TTC17: variants seen among roughly 807,000 people sequenced by gnomAD.
TTC17 encodes tetratricopeptide repeat domain 17, also known as tetratricopeptide repeat protein 17.
In TTC17, 58 loss-of-function variants were observed where a neutral mutation model predicts 143.8. The ratio of observed to expected loss-of-function variants is 0.40; its 90% CI spans 0.33 to 0.50. TTC17 has a LOEUF of 0.50. Among genes scored for constraint, TTC17 ranks in the 20% least tolerant of loss-of-function variants. TTC17 has a pLI of 0.49. For synonymous variants in TTC17, 501 were observed against 497.8 expected, an observed-to-expected ratio of 1.01 and a Z score of -0.09; for missense variants, 1,273 against 1,392.5, an observed-to-expected ratio of 0.91 and a Z score of 1.37.
At chr11:43,420,043 T>C (rs1946865251) in intron 16 of TTC17, among the ~76,000 whole-genome samples, 1 of 152,260 alleles carries the variant, frequency 6.6e-6, no homozygotes, top group African/African-American at 2.4e-5. Context: ...TTAAAAGGGC[T>C]GTAGTTATTT....
At chr11:43,406,997 A>G in intron 13 of TTC17, 141 bp from the exon 14 acceptor site, 1 of 604,028 alleles carries the variant, frequency 1.7e-6, no homozygotes, top group Non-Finnish European at 2.9e-6. Flanking sequence ...GAATGAATTT[A>G]TGTCATATAT....
At chr11:43,367,877 T>C (rs970893764) in intron 1 of TTC17, among the ~76,000 whole-genome samples, 2 of 152,192 alleles carry the variant, frequency 1.3e-5, no homozygotes, top group Admixed American at 6.5e-5. Flanking sequence ...GAGCCTATGC[T>C]CAGTTCTCAC....
chr11:43,416,487 A>G (rs541446069), intron 16 of TTC17, among the ~76,000 whole-genome samples: 2 of 152,240 alleles, frequency 1.3e-5, no homozygotes, highest in African/African-American at 4.8e-5. Context: ...CATGTAACTC[A>G]TGTCAAAAGA....
chr11:43,360,916 G>A (rs1165797746), intron 1 of TTC17, among the ~76,000 whole-genome samples: 1 of 152,124 alleles, frequency 6.6e-6, no homozygotes, highest in East Asian at 1.9e-4. Flanking sequence ...GACTTTTTAA[G>A]TGATCCTTTT....
At chr11:43,448,171 A>C (rs769298565) in intron 19 of TTC17, 49 bp downstream of exon 19, 2 of 1,604,724 alleles carry the variant, frequency 1.2e-6, no homozygotes, top group Admixed American at 3.4e-5. Context: ...AGTCCCATTG[A>C]ACCCAGCTGA....
chr11:43,459,586 A>G (rs1590457787), intron 21 of TTC17, among the ~76,000 whole-genome samples: 1 of 152,216 alleles, frequency 6.6e-6, no homozygotes, highest in Non-Finnish European at 1.5e-5. Context: ...TTGAATGTCA[A>G]TCAGGGAATG....
chr11:43,413,242 GT>G (rs1001970467), intron 15 of TTC17, among the ~76,000 whole-genome samples: 1 of 152,112 alleles, frequency 6.6e-6, no homozygotes, highest in Admixed American at 6.6e-5. Flanking sequence ...AAACATTTTG[GT>G]TTTTCAGTAA....
At chr11:43,383,383 C>G (rs1202013000) in intron 2 of TTC17, among the ~76,000 whole-genome samples, 1 of 152,182 alleles carries the variant, frequency 6.6e-6, no homozygotes, top group Admixed American at 6.5e-5. Flanking sequence ...TGAAGTCTTG[C>G]TCTTGTCCCC....
At chr11:43,424,543 G>T (rs940570089) in intron 16 of TTC17, among the ~76,000 whole-genome samples, 4 of 152,154 alleles carry the variant, frequency 2.6e-5, no homozygotes, top group South Asian at 2.1e-4. Context: ...GCCGAGGCAG[G>T]CGGATCCCCT....
rs370281253 is a variant in TTC17 at position 43,430,289 on chromosome 11, G to A, written c.2252-13036G>A. On this transcript the variant is annotated intron_variant, in intron 16 of 23. Transcript: ENST00000039989. ...CAAAAATTACAAAAATTAGCCAGGT[G>A]TGGTGGCGTGCACCTGTAGTCCCAG... Among the ~76,000 whole-genome samples the A allele has an allele frequency of 2.0e-5, 3 of 152,246 alleles. No homozygotes were observed. In the South Asian group the frequency reaches 6.2e-4, roughly 32 times the overall value.
intron 1 of TTC17, among the ~76,000 whole-genome samples, chr11:43,366,036 A>G (rs994887377): frequency 6.7e-6 from 1 of 149,636 alleles, no homozygotes; most frequent in African/African-American, 2.5e-5. Flanking sequence ...GCTGTAGTGC[A>G]GTGGCGCAAT....
chr11:43,426,995 A>G (rs1947044340), intron 16 of TTC17, among the ~76,000 whole-genome samples: 1 of 152,204 alleles, frequency 6.6e-6, no homozygotes, highest in African/African-American at 2.4e-5. Context: ...TACTACCTAT[A>G]CCAGTGGTAA....
chr11:43,492,023 G>A lies in TTC17; in HGVS notation c.3154G>A (p.Val1052Met). Residue 1052 changes from valine (V) to methionine (M), a missense_variant, in exon 23 of 24, where the codon GTG becomes ATG. Coordinates refer to ENST00000039989, the MANE Select transcript of TTC17 (RefSeq NM_018259.6). ...LHYAPHQMKD[V>M]PLISLANILH... ...ACCATTCTCCTTCTTCTCCCAGGAT[G>A]TGCCCCTGATTAGCCTGGCCAACAT... 6.2e-7 allele frequency: 1 copy of A among 1,613,452 alleles called. No homozygotes were observed. The highest frequency in any genetic ancestry group is 1.1e-5 in the South Asian group (1 of 90,854).
chr11:43,378,518 A>T (rs1856844539), intron 1 of TTC17, among the ~76,000 whole-genome samples: 1 of 152,186 alleles, frequency 6.6e-6, no homozygotes, highest in African/African-American at 2.4e-5. Context: ...AAATGTTGTA[A>T]TGAGCATCCT....
intron 16 of TTC17, among the ~76,000 whole-genome samples, chr11:43,432,690 T>C (rs1469825187): frequency 1.3e-5 from 2 of 152,168 alleles, no homozygotes; most frequent in East Asian, 3.9e-4. Flanking sequence ...TATCTTTCCA[T>C]TTTTCCTTCT....
chr11:43,430,709 G>GCACGCACACA (rs1554994151), intron 16 of TTC17, among the ~76,000 whole-genome samples: 1 of 138,448 alleles, frequency 7.2e-6, no homozygotes, highest in Non-Finnish European at 1.5e-5. Context: ...CTACATACAC[G>GCACGCACACA]CACACACACA....
chr11:43,446,496 C>T (rs1466161894), intron 18 of TTC17: 1 of 432,680 alleles, frequency 2.3e-6, no homozygotes, highest in Non-Finnish European at 3.1e-6. Flanking sequence ...AACAGGTGCT[C>T]AATAAATATT....
chr11:43,404,819 T>C (rs576687567), intron 11 of TTC17, among the ~76,000 whole-genome samples: 13 of 152,350 alleles, frequency 8.5e-5, no homozygotes, highest in Admixed American at 2.6e-4. Context: ...GTACATCTTA[T>C]TTATTTTTAG....
intron 16 of TTC17, among the ~76,000 whole-genome samples, chr11:43,430,696 C>G (rs1051865515): frequency 7.3e-6 from 1 of 136,154 alleles, no homozygotes; most frequent in African/African-American, 2.7e-5. Context: ...CCCCCAGCAT[C>G]CCCTACATAC....
Sources: allele counts gnomAD v4.1 joint callset (sites outside exome capture counted in the v4.1 genomes callset), GRCh38; gene constraint gnomAD v4.1.1; transcripts MANE v1.5; gene names NCBI Gene and HGNC (gene_info 2026-07-23, HGNC 2026-07-21).